The following NRXN3 variants were observed in gnomAD, a reference collection of about 807,000 sequenced individuals.
NRXN3 encodes neurexin 3.
A neutral mutation model predicts 137.6 loss-of-function variants in NRXN3; 32 were observed. That is an observed-to-expected ratio of 0.23 (90% CI 0.18 to 0.31). The LOEUF (loss-of-function observed/expected upper bound fraction) is 0.31, where lower values mean the gene tolerates loss of function less well. Among genes scored for constraint, NRXN3 ranks in the 10% least tolerant of loss-of-function variants. The pLI, the probability that NRXN3 is intolerant of heterozygous loss-of-function variation, is 1.00. For missense variants in NRXN3, 1,574 were observed against 2,062.5 expected, an observed-to-expected ratio of 0.76 and a Z score of 4.59; for synonymous variants, 798 against 784.5, an observed-to-expected ratio of 1.02 and a Z score of -0.29.
intron 15 of NRXN3, among the ~76,000 whole-genome samples, chr14:79,433,294 G>GA (rs2153556574): frequency 6.6e-6 from 1 of 152,196 alleles, no homozygotes; most frequent in South Asian, 2.1e-4. Context: ...AATCCTAAAA[G>GA]AAAAAAGAAG....
intron 17 of NRXN3, among the ~76,000 whole-genome samples, chr14:79,668,941 C>T (rs2098588996): frequency 6.6e-6 from 1 of 150,690 alleles, no homozygotes; most frequent in Admixed American, 6.6e-5. Context: ...TTTTTTTTGT[C>T]CACATCTCTT....
At chr14:79,133,006 C>G (rs1041984543) in intron 15 of NRXN3, among the ~76,000 whole-genome samples, 2 of 152,216 alleles carry the variant, frequency 1.3e-5, no homozygotes, top group African/African-American at 2.4e-5. Context: ...CAAGATGGTG[C>G]TCTGTGTCTG....
chr14:79,610,062 C>T (rs907201275), intron 16 of NRXN3, among the ~76,000 whole-genome samples: 3 of 151,946 alleles, frequency 2.0e-5, no homozygotes, highest in African/African-American at 4.8e-5. Context: ...CAAACCTGCA[C>T]GTTCTGTACA....
At chr14:79,309,759 A>T (rs371834326) in intron 15 of NRXN3, among the ~76,000 whole-genome samples, 2 of 148,924 alleles carry the variant, frequency 1.3e-5, no homozygotes, top group Non-Finnish European at 3.0e-5. Flanking sequence ...CATGTCCTTC[A>T]CCCACTTTTT....
chr14:79,861,345 A>G lies in NRXN3; in HGVS notation c.4097A>G (p.Lys1366Arg), dbSNP rs961838720. Residue 1366 changes from lysine to arginine, a missense_variant, in exon 21 of 21, where the codon AAG becomes AGG. By Grantham distance (26) the Lys-to-Arg change is conservative. This residue lies in a region of NRXN3 where 320 missense variants were observed against 387.1 expected (regional missense o/e 0.83). Coordinates refer to ENST00000335750, the MANE Select transcript of NRXN3 (RefSeq NM_001330195.2). The surrounding 1 kb of genome is among the most constrained non-coding windows in gnomAD (Gnocchi z 5.4). ...ACCACCTTCTCCTTGGTAACAGATA[A>G]GAGTCTTTCCACTTCAATCTTCGAA... ...DFVECEPSTD[K>R]SLSTSIFEGG... The G allele has an allele frequency of 6.5e-7, 1 of 1,536,138 alleles. No individual in the cohort carries two copies. The highest frequency in any genetic ancestry group is 8.7e-7 in the Non-Finnish European group (1 of 1,146,914).
At chr14:78,498,915 T>C (rs530172890) in intron 4 of NRXN3, among the ~76,000 whole-genome samples, 2 of 152,030 alleles carry the variant, frequency 1.3e-5, no homozygotes, top group Admixed American at 6.6e-5. Flanking sequence ...CATGAACCAC[T>C]GTGGCTGGTC....
chr14:78,415,011 A>G (rs1263001014), intron 4 of NRXN3, among the ~76,000 whole-genome samples: 1 of 152,150 alleles, frequency 6.6e-6, no homozygotes, highest in East Asian at 1.9e-4. Flanking sequence ...ATAAGCATGT[A>G]ATTTAGAAAT....
chr14:79,767,705 A>T (rs2099060822), intron 19 of NRXN3, among the ~76,000 whole-genome samples: 1 of 152,368 alleles, frequency 6.6e-6, no homozygotes, highest in South Asian at 2.1e-4. Flanking sequence ...TAAAAAAAGT[A>T]AGTCACCCAA....
intron 6 of NRXN3, among the ~76,000 whole-genome samples, chr14:78,682,815 C>T (rs2098089155): frequency 6.6e-6 from 1 of 152,164 alleles, no homozygotes; most frequent in Non-Finnish European, 1.5e-5. Flanking sequence ...GATTAAAATC[C>T]ACATTCTCAT....
At chr14:79,855,035 G>A (rs1230458656) in intron 20 of NRXN3, among the ~76,000 whole-genome samples, 1 of 151,994 alleles carries the variant, frequency 6.6e-6, no homozygotes, top group Non-Finnish European at 1.5e-5. Context: ...TCTTTCCTTT[G>A]TCTCTTCTCC....
chr14:78,954,768 T>TTG (rs2099393632), intron 10 of NRXN3, among the ~76,000 whole-genome samples: 1 of 76,278 alleles, frequency 1.3e-5, no homozygotes, highest in African/African-American at 1.3e-4. Flanking sequence ...CCTGGCCTGG[T>TTG]TTTTTTTTTT....
intron 16 of NRXN3, among the ~76,000 whole-genome samples, chr14:79,537,740 C>T (rs1407278645): frequency 4.6e-5 from 7 of 151,992 alleles, no homozygotes; most frequent in African/African-American, 9.7e-5. Flanking sequence ...TGAATAGTGC[C>T]GCAATAAACA....
chr14:78,662,928 C>T (rs1167221028), intron 6 of NRXN3, among the ~76,000 whole-genome samples: 1 of 152,144 alleles, frequency 6.6e-6, no homozygotes, highest in East Asian at 1.9e-4. Flanking sequence ...ATAGCAGCAA[C>T]AATAAAGACT....
At chr14:78,694,584 G>A (rs2098206624) in intron 6 of NRXN3, among the ~76,000 whole-genome samples, 1 of 151,824 alleles carries the variant, frequency 6.6e-6, no homozygotes. Flanking sequence ...TTTGCTTGGA[G>A]TTGAACTTAA....
chr14:79,489,793 A>G (rs927118779), intron 16 of NRXN3, among the ~76,000 whole-genome samples: 1 of 151,840 alleles, frequency 6.6e-6, no homozygotes, highest in African/African-American at 2.4e-5. Flanking sequence ...TAGTCCCAGC[A>G]CTTTGGGAGG....
intron 4 of NRXN3, among the ~76,000 whole-genome samples, chr14:78,570,878 A>G (rs1239414711): frequency 6.6e-6 from 1 of 152,184 alleles, no homozygotes; most frequent in African/African-American, 2.4e-5. Flanking sequence ...TCCATGACTG[A>G]GGCCCCCAAA....
At chr14:78,694,590 C>T (rs1189489817) in intron 6 of NRXN3, among the ~76,000 whole-genome samples, 1 of 151,846 alleles carries the variant, frequency 6.6e-6, no homozygotes, top group East Asian at 1.9e-4. Flanking sequence ...TGGAGTTGAA[C>T]TTAAGTTATG....
chr14:78,600,793 C>G (rs1445506182), intron 4 of NRXN3, among the ~76,000 whole-genome samples: 1 of 152,178 alleles, frequency 6.6e-6, no homozygotes, highest in Admixed American at 6.5e-5. Flanking sequence ...ACATCTAAAC[C>G]TGAATTTATC....
intron 10 of NRXN3, among the ~76,000 whole-genome samples, chr14:78,947,959 C>T (rs995806408): frequency 6.6e-6 from 1 of 152,170 alleles, no homozygotes; most frequent in African/African-American, 2.4e-5. Context: ...GTCACTTAAC[C>T]TCTTAATCTC....
Sources: gnomAD v4.1 joint callset for allele counts (sites outside exome capture counted in the v4.1 genomes callset) on GRCh38, gnomAD v4.1.1 for gene constraint, gnomAD v4.1.1 regional missense constraint, Gnocchi (gnomAD v3.1) non-coding constraint, MANE v1.5 for transcripts, NCBI Gene and HGNC (gene_info 2026-07-23, HGNC 2026-07-21) for gene names.